SLC16A1: variants seen among roughly 807,000 people sequenced by gnomAD.
SLC16A1 encodes the protein monocarboxylate transporter 1.
SLC16A1 carries 11 observed loss-of-function variants against 32.2 expected under a neutral mutation model. The observed-to-expected ratio is 0.34, with a 90% confidence interval of 0.21 to 0.56. The LOEUF (loss-of-function observed/expected upper bound fraction) is 0.56, where lower values mean the gene tolerates loss of function less well. SLC16A1 is among the 20% of genes least tolerant of loss of function. The pLI is 0.87. For missense variants in SLC16A1, 435 were observed against 615.0 expected, an observed-to-expected ratio of 0.71 and a Z score of 3.10; for synonymous variants, 231 against 226.8, an observed-to-expected ratio of 1.02 and a Z score of -0.17.
At chr1:112,926,729 C>A (rs893523821) in intron 2 of SLC16A1, among the ~76,000 whole-genome samples, 1 of 151,692 alleles carries the variant, frequency 6.6e-6, no homozygotes, top group Admixed American at 6.6e-5. Context: ...CAAAAATTAG[C>A]CGAGTGTGGT....
At position 112,914,016 on chromosome 1, in the gene SLC16A1, C is replaced by T; in HGVS notation, c.1378G>A (p.Glu460Lys). The change falls in exon 5 of 5, where the codon GAA (glutamate) becomes AAA (lysine). Residue 460 changes from glutamate (E) to lysine (K), a missense_variant. Coordinates refer to ENST00000369626, the MANE Select transcript of SLC16A1 (RefSeq NM_003051.4). Reference sequence around the variant, plus strand: ...ATACTGGTCTCTTCCTCTTTACTTTCCTTTTTCTGCTCGTTTGCTTTCTGT... The same window carrying T: ...ATACTGGTCTCTTCCTCTTTACTTTTCTTTTTCTGCTCGTTTGCTTTCTGT... ...KEQKANEQKK[E>K]SKEEETSIDV... 6.2e-7 allele frequency: 1 copy of T among 1,614,174 alleles called. No individual in the cohort carries two copies. Among genetic ancestry groups the T allele is most frequent in the Non-Finnish European group, 8.5e-7 (1 of 1,180,012 alleles).
intron 4 of SLC16A1, among the ~76,000 whole-genome samples, chr1:112,916,738 T>C (rs749306202): frequency 4.5e-4 from 68 of 152,016 alleles, no homozygotes; most frequent in Non-Finnish European, 8.5e-4. Flanking sequence ...GAGACCAGCC[T>C]GGCCAACATG....
At position 112,918,061 on chromosome 1, in the gene SLC16A1, T is replaced by G. The variant is rs1344429; in HGVS notation, c.362-17A>C. 0.18 allele frequency: 110,488 copies of G among 612,348 alleles called. 18,474 individuals are homozygous for G. Among genetic ancestry groups the G allele is most frequent in the East Asian group, 0.31 (7,021 of 22,532 alleles). The allele number at this position is 612,348 out of a possible 1,614,324, so 37.9% of individuals were successfully genotyped here. Reference sequence around the variant, plus strand: ...GCCCAAGACCTGTGAAGACAATAAATAAATAAATAAATAAATAAATAAATA... The same window carrying G: ...GCCCAAGACCTGTGAAGACAATAAAGAAATAAATAAATAAATAAATAAATA... On this transcript the variant is annotated splice_polypyrimidine_tract_variant and intron_variant, in intron 3 of 4. Transcript: ENST00000369626.
intron 2 of SLC16A1, among the ~76,000 whole-genome samples, chr1:112,926,052 A>T (rs1378772025): frequency 1.3e-5 from 2 of 152,220 alleles, no homozygotes; most frequent in East Asian, 3.8e-4. Context: ...ATAAAAAATT[A>T]ACTAATATAT....
chr1:112,918,160 G>A, intron 3 of SLC16A1, 116 bp from the exon 4 acceptor site: 1 of 784,764 alleles, frequency 1.3e-6, no homozygotes, highest in Non-Finnish European at 1.6e-6. Context: ...TAGAGGACAT[G>A]TTATGTAGTG....
intron 1 of SLC16A1, among the ~76,000 whole-genome samples, 169 bp from the exon 2 acceptor site, chr1:112,929,521 C>T (rs144490635): frequency 1.0e-3 from 153 of 151,954 alleles, no homozygotes; most frequent in African/African-American, 3.3e-3. Context: ...CAAGACAGCC[C>T]GGGCAACACA....
chr1:112,914,726 T>C (rs1216912106), intron 4 of SLC16A1, among the ~76,000 whole-genome samples: 2 of 152,232 alleles, frequency 1.3e-5, no homozygotes, highest in Non-Finnish European at 2.9e-5. Context: ...AATTTGTCCA[T>C]GGTCACAAAA....
At position 112,913,508 on chromosome 1, in the gene SLC16A1, G is replaced by C. The variant is rs1648393365; in HGVS notation, c.*383C>G. On this transcript the variant is annotated 3_prime_UTR_variant, in exon 5 of 5. Transcript: ENST00000369626. ...TTTTAGATTTGCCTCAAACAAGTTA[G>C]TTGTTATTTTTCCTTTTAACACAAC... The C allele has an allele frequency of 5.4e-6, 1 of 185,402 alleles. No individual in the cohort carries two copies. Among genetic ancestry groups the C allele is most frequent in the Non-Finnish European group, 1.1e-5 (1 of 87,642 alleles). The allele number at this position is 185,402 out of a possible 1,614,324, so 11.5% of individuals were successfully genotyped here.
At chr1:112,953,499 C>T (rs1329658680) in intron 1 of SLC16A1, among the ~76,000 whole-genome samples, 1 of 152,120 alleles carries the variant, frequency 6.6e-6, no homozygotes, top group African/African-American at 2.4e-5. Flanking sequence ...AAGACAAGAG[C>T]GCTCCTTTAA....
chr1:112,922,332 A>G (rs1648765423), intron 2 of SLC16A1, 199 bp from the exon 3 acceptor site: 1 of 602,666 alleles, frequency 1.7e-6, no homozygotes, highest in Non-Finnish European at 2.9e-6. Flanking sequence ...GCAGGTTCTA[A>G]ATCTAAAAAT....
chr1:112,915,226 C>A (rs770800164), intron 4 of SLC16A1, among the ~76,000 whole-genome samples: 11 of 152,162 alleles, frequency 7.2e-5, no homozygotes, highest in Non-Finnish European at 1.6e-4. Flanking sequence ...CAAGTACTAC[C>A]AGGAGAGTTT....
chr1:112,954,631 C>A (rs1203723924), intron 1 of SLC16A1, among the ~76,000 whole-genome samples: 1 of 152,158 alleles, frequency 6.6e-6, no homozygotes, highest in Non-Finnish European at 1.5e-5. Context: ...TACAACTAAA[C>A]CTTCAAATCT....
intron 1 of SLC16A1, among the ~76,000 whole-genome samples, chr1:112,952,213 T>C (rs1191501500): frequency 2.0e-5 from 3 of 152,166 alleles, no homozygotes; most frequent in South Asian, 2.1e-4. Flanking sequence ...TTCATCAACA[T>C]CCAGGATGAG....
intron 1 of SLC16A1, among the ~76,000 whole-genome samples, chr1:112,941,505 AC>A (rs1215501217): frequency 6.6e-6 from 1 of 151,424 alleles, no homozygotes; most frequent in South Asian, 2.1e-4. Context: ...CTGGTCTCAA[AC>A]CCCCGACCTC....
intron 3 of SLC16A1, among the ~76,000 whole-genome samples, chr1:112,918,329 C>T (rs1195836635): frequency 1.3e-5 from 2 of 152,138 alleles, no homozygotes; most frequent in African/African-American, 4.8e-5. Context: ...TTGTTAAGCA[C>T]TTAGTACCCA....
At chr1:112,918,140 T>A (rs1487504209) in intron 3 of SLC16A1, 96 bp from the exon 4 acceptor site, 1 of 947,332 alleles carries the variant, frequency 1.1e-6, no homozygotes, top group Non-Finnish European at 1.3e-6. Context: ...AGGATATAAA[T>A]CCTCATTATT....
rs1394755025 is a variant in SLC16A1 at position 112,917,795 on chromosome 1, T to G, written c.611A>C (p.Lys204Thr). 5 of 1,614,098 alleles carry G rather than the reference T, an allele frequency of 3.1e-6. No homozygotes were observed. The African/African-American group carries it at 4.0e-5, about 13-fold the overall frequency. Residue 204 changes from lysine (K) to threonine (T), a missense_variant, in exon 4 of 5, where the codon AAG (lysine) becomes ACG (threonine). Transcript: ENST00000369626. The surrounding 1 kb of genome is among the most constrained non-coding windows in gnomAD (Gnocchi z 4.1). ...TGCTTTAGACTTATCTTTCCCTGCCTTGGTTGGCTTGGGCCCGATTGGTCG... is the reference window on the plus strand; with the variant it reads ...TGCTTTAGACTTATCTTTCCCTGCCGTGGTTGGCTTGGGCCCGATTGGTCG... Reference protein sequence around the residue: ...LMRPIGPKPTKAGKDKSKASL... With the variant: ...LMRPIGPKPTTAGKDKSKASL...
chr1:112,946,793 T>G (rs1030161801), intron 1 of SLC16A1, among the ~76,000 whole-genome samples: 2 of 152,208 alleles, frequency 1.3e-5, no homozygotes, highest in African/African-American at 4.8e-5. Context: ...CCTCAGATGA[T>G]CCACCCAACT....
At chr1:112,922,541 G>T (rs1282716326) in intron 2 of SLC16A1, 2 of 237,478 alleles carry the variant, frequency 8.4e-6, no homozygotes, top group Admixed American at 5.3e-5. Flanking sequence ...TGGGAGGCTG[G>T]GGCAGGTGGA....
Sources: gnomAD v4.1 joint callset for allele counts (sites outside exome capture counted in the v4.1 genomes callset) on GRCh38, gnomAD v4.1.1 for gene constraint, Gnocchi (gnomAD v3.1) non-coding constraint, MANE v1.5 for transcripts, NCBI Gene and HGNC (gene_info 2026-07-23, HGNC 2026-07-21) for gene names.